The following VPS13A variants were observed in gnomAD, a reference collection of about 807,000 sequenced individuals.
VPS13A encodes vacuolar protein sorting 13 homolog A, also known as intermembrane lipid transfer protein VPS13A.
VPS13A carries 264 observed loss-of-function variants against 390.9 expected under a neutral mutation model. The observed-to-expected ratio is 0.68, with a 90% CI of 0.61 to 0.75. The LOEUF is 0.75. Among genes scored for constraint, VPS13A ranks in the 30% least tolerant of loss-of-function variants. The probability of loss-of-function intolerance (pLI) is 0.00; values close to 1 mark genes in which losing one functional copy is unlikely to be tolerated. For missense variants in VPS13A, 3,409 were observed against 3,733.9 expected (o/e 0.91, Z 2.27); for synonymous variants, 1,231 against 1,227.1 (o/e 1.00, Z -0.07).
At chr9:77,381,376 G>A (rs1016306032) in intron 67 of VPS13A, among the ~76,000 whole-genome samples, 2 of 152,132 alleles carry the variant, frequency 1.3e-5, no homozygotes, top group African/African-American at 4.8e-5. Flanking sequence ...TGTGAGGACT[G>A]TGAGAGTATT....
At chr9:77,272,545 T>G (rs1184428747) in intron 23 of VPS13A, among the ~76,000 whole-genome samples, 1 of 152,214 alleles carries the variant, frequency 6.6e-6, no homozygotes, top group East Asian at 1.9e-4. Flanking sequence ...TGGTTAAAAT[T>G]TAAACATTGT....
At position 77,344,179 on chromosome 9, in the gene VPS13A, T is replaced by G. The variant is rs139753431; in HGVS notation, c.7053T>G (p.Ala2351=). ...EQCIPFWPEY[A]SSKLLIQVER... ...GTATCCCCTTTTGGCCTGAGTATGCTTCTAGTAAACTTCTTATTCAAGTCG... is the reference window on the plus strand; with the variant it reads ...GTATCCCCTTTTGGCCTGAGTATGCGTCTAGTAAACTTCTTATTCAAGTCG... Residue 2351 remains alanine, a synonymous_variant, in exon 51 of 72, where the codon GCT becomes GCG. Transcript: ENST00000360280. The G allele has an allele frequency of 6.2e-7, 1 of 1,609,520 alleles. No individual in the cohort carries two copies. The highest frequency in any genetic ancestry group is 1.3e-5 in the African/African-American group (1 of 74,918).
At chr9:77,306,856 T>C (rs1437402636) in intron 34 of VPS13A, among the ~76,000 whole-genome samples, 2 of 152,100 alleles carry the variant, frequency 1.3e-5, no homozygotes, top group African/African-American at 2.4e-5. Flanking sequence ...GCAGGTCTTA[T>C]GCTGTTGATT....
At chr9:77,385,588 T>C (rs906967444) in intron 68 of VPS13A, among the ~76,000 whole-genome samples, 3 of 152,018 alleles carry the variant, frequency 2.0e-5, no homozygotes, top group African/African-American at 7.2e-5. Flanking sequence ...ATAAAGGTTT[T>C]TAAAAAAATT....
chr9:77,212,423 T>A (rs1826021707), intron 7 of VPS13A, among the ~76,000 whole-genome samples: 1 of 152,160 alleles, frequency 6.6e-6, no homozygotes, highest in Non-Finnish European at 1.5e-5. Context: ...ATGTTATATA[T>A]TAGGTTATAT....
At chr9:77,250,825 C>T (rs116076117) in intron 21 of VPS13A, among the ~76,000 whole-genome samples, 3,105 of 152,264 alleles carry the variant, frequency 0.02, 68 homozygotes, top group African/African-American at 0.056. Flanking sequence ...GCCAGAAATT[C>T]ACTTGCCAAG....
intron 60 of VPS13A, 69 bp downstream of exon 60, chr9:77,365,642 G>T (rs1319674988): frequency 2.2e-6 from 2 of 911,122 alleles, no homozygotes; most frequent in East Asian, 5.0e-5. Flanking sequence ...CATTTATATT[G>T]TGTTCTTCAG....
At chr9:77,189,668 A>G (rs1031359954) in intron 1 of VPS13A, among the ~76,000 whole-genome samples, 1 of 152,194 alleles carries the variant, frequency 6.6e-6, no homozygotes, top group African/African-American at 2.4e-5. Context: ...TAGGAATAGC[A>G]TTGAAGCTGT....
chr9:77,252,879 T>G (rs1825223176), intron 22 of VPS13A, among the ~76,000 whole-genome samples: 1 of 152,210 alleles, frequency 6.6e-6, no homozygotes, highest in South Asian at 2.1e-4. Context: ...TATGTTTTTA[T>G]TTATTCATCC....
At chr9:77,396,769 A>C (rs1286855172) in intron 68 of VPS13A, among the ~76,000 whole-genome samples, 6 of 152,148 alleles carry the variant, frequency 3.9e-5, no homozygotes, top group Admixed American at 3.9e-4. Flanking sequence ...TTACTTCTTA[A>C]ATAGTTTTAA....
chr9:77,257,081 C>T (rs1218592234), intron 22 of VPS13A, among the ~76,000 whole-genome samples: 2 of 152,086 alleles, frequency 1.3e-5, no homozygotes, highest in African/African-American at 4.8e-5. Context: ...TCATTTCCTC[C>T]TTTAATGGTG....
chr9:77,242,052 G>A (rs1182993539), intron 19 of VPS13A, among the ~76,000 whole-genome samples: 1 of 152,124 alleles, frequency 6.6e-6, no homozygotes, highest in African/African-American at 2.4e-5. Context: ...TATCTTTGGA[G>A]TAAGATCCAA....
intron 45 of VPS13A, among the ~76,000 whole-genome samples, chr9:77,328,219 T>C (rs2131469390): frequency 6.6e-6 from 1 of 152,284 alleles, no homozygotes; most frequent in East Asian, 1.9e-4. Context: ...CAATGAGCAG[T>C]AGCATTTTGA....
chr9:77,280,151 A>G lies in VPS13A; in HGVS notation c.2825-8A>G. ...ATGAAAAGATAATTTTTAAAAAATT[A>G]TTTTTAGATGAAAACAAGAAACCAG... On this transcript the variant is annotated splice_polypyrimidine_tract_variant and splice_region_variant and intron_variant, in intron 26 of 71. Transcript: ENST00000360280. The G allele has an allele frequency of 6.3e-7, 1 of 1,594,792 alleles. No homozygotes were observed. The highest frequency in any genetic ancestry group is 8.6e-7 in the Non-Finnish European group (1 of 1,166,120).
intron 31 of VPS13A, among the ~76,000 whole-genome samples, chr9:77,289,063 G>C (rs780228376): frequency 6.6e-6 from 1 of 152,176 alleles, no homozygotes; most frequent in South Asian, 2.1e-4. Context: ...ATCTTTTTCT[G>C]TCCTTTAGCT....
chr9:77,389,959 G>A (rs1432989501), intron 68 of VPS13A: 7 of 387,396 alleles, frequency 1.8e-5, no homozygotes, highest in Non-Finnish European at 2.5e-5. Flanking sequence ...AGAAATTACA[G>A]ATGTTTATAA....
chr9:77,200,143 C>T (rs1055333881), intron 2 of VPS13A, among the ~76,000 whole-genome samples, 155 bp downstream of exon 2: 1 of 152,084 alleles, frequency 6.6e-6, no homozygotes, highest in Non-Finnish European at 1.5e-5. Flanking sequence ...GAGTTTTAAT[C>T]TCCCTGAAAG....
At position 77,340,271 on chromosome 9, in the gene VPS13A, A is replaced by G. The variant is rs781770984; in HGVS notation, c.6868A>G (p.Met2290Val). 2 of 1,613,138 alleles carry G rather than the reference A, an allele frequency of 1.2e-6. No individual in the cohort carries two copies. The highest frequency in any genetic ancestry group is 1.7e-6 in the Non-Finnish European group (2 of 1,179,506). Reference sequence around the variant, plus strand: ...AGCTGTTAAATGTAAAGGCCTGAAAATGGACTATCAAGTGAGTTCATTCTA... The same window carrying G: ...AGCTGTTAAATGTAAAGGCCTGAAAGTGGACTATCAAGTGAGTTCATTCTA... ...HGAVKCKGLKMDYQVGVTIDL... is the reference protein window; with the variant it reads ...HGAVKCKGLKVDYQVGVTIDL... The change falls in exon 49 of 72, where the codon ATG becomes GTG. Residue 2290 changes from methionine (M) to valine (V), a missense_variant. Physicochemically the swap from Met to Val is conservative, Grantham distance 21 (BLOSUM62 1). Coordinates refer to ENST00000360280, the MANE Select transcript of VPS13A (RefSeq NM_033305.3).
At chr9:77,287,224 T>TTCTCTCTCTC (rs147295666) in intron 31 of VPS13A, among the ~76,000 whole-genome samples, 13 of 145,088 alleles carry the variant, frequency 9.0e-5, no homozygotes, top group South Asian at 8.8e-4. Context: ...ATACATAAAA[T>TTCTCTCTCTC]TCTCTCTCTC....
Sources: gnomAD v4.1 joint callset for allele counts (sites outside exome capture counted in the v4.1 genomes callset) on GRCh38, gnomAD v4.1.1 for gene constraint, MANE v1.5 for transcripts, NCBI Gene and HGNC (gene_info 2026-07-23, HGNC 2026-07-21) for gene names.